DYRK3: variants seen among roughly 807,000 people sequenced by gnomAD.
The protein encoded by DYRK3 is dual specificity tyrosine-phosphorylation-regulated kinase 3.
DYRK3 carries 30 observed loss-of-function variants against 40.8 expected under a neutral mutation model. The ratio of observed to expected loss-of-function variants is 0.74; its 90% CI spans 0.55 to 1.00. The LOEUF is 1.00. DYRK3 is among the 50% of genes least tolerant of loss of function. The pLI, the probability that DYRK3 is intolerant of heterozygous loss-of-function variation, is 0.00. For missense variants in DYRK3, 699 were observed against 731.5 expected (o/e 0.96, Z 0.51); for synonymous variants, 272 against 260.7 (o/e 1.04, Z -0.42).
At position 206,635,786 on chromosome 1, in the gene DYRK3, G is replaced by A. The variant is rs916280396; in HGVS notation, c.77+6G>A. On this transcript the variant is annotated splice_donor_region_variant and intron_variant, in intron 1 of 2. Coordinates refer to ENST00000367109, the MANE Select transcript of DYRK3 (RefSeq NM_003582.4). ...CTCCCGCCCCAGCAGCGGAGGTAAC[G>A]GCGCCACGGGGTAACGGGCTGGAGG... 2.4e-6 allele frequency: 3 copies of A among 1,242,646 alleles called. No individual in the cohort carries two copies. The highest frequency in any genetic ancestry group is 3.1e-5 in the African/African-American group (2 of 64,464). The allele number at this position is 1,242,646 out of a possible 1,614,324, so 77.0% of individuals were successfully genotyped here.
chr1:206,648,907 T>A lies in DYRK3; in HGVS notation c.1709T>A (p.Met570Lys), dbSNP rs782671806. Residue 570 changes from methionine (M) to lysine (K), a missense_variant, in exon 3 of 3, where the codon ATG becomes AAG. Coordinates refer to ENST00000367109, the MANE Select transcript of DYRK3 (RefSeq NM_003582.4). ...GCCAATAAGCTTAAAGCTAACTTAATGTCAGAAACCAATGGTAGTATACCC... is the reference window on the plus strand; with the variant it reads ...GCCAATAAGCTTAAAGCTAACTTAAAGTCAGAAACCAATGGTAGTATACCC... ...GIANKLKANLMSETNGSIPLC... is the reference protein window; with the variant it reads ...GIANKLKANLKSETNGSIPLC... 3.7e-6 allele frequency: 6 copies of A among 1,614,068 alleles called. No individual in the cohort carries two copies. In the African/African-American group the frequency reaches 8.0e-5, roughly 22 times the overall value.
chr1:206,638,589 T>TA (rs1212516232), intron 2 of DYRK3, among the ~76,000 whole-genome samples: 3 of 151,268 alleles, frequency 2.0e-5, no homozygotes, highest in African/African-American at 7.3e-5. Context: ...TTTTTTTTTT[T>TA]AACTTAAGAT....
At chr1:206,636,056 A>G (rs1671097488) in intron 1 of DYRK3, 3 of 1,514,692 alleles carry the variant, frequency 2.0e-6, no homozygotes, top group Non-Finnish European at 2.7e-6. Context: ...AGATCGGGGT[A>G]TATGTTAAGG....
intron 2 of DYRK3, among the ~76,000 whole-genome samples, chr1:206,644,206 T>A (rs1558557279): frequency 6.6e-6 from 1 of 151,814 alleles, no homozygotes; most frequent in Non-Finnish European, 1.5e-5. Flanking sequence ...GGCTAATTTT[T>A]GTATTTTTAG....
chr1:206,647,122 C>G (rs1572449386), intron 2 of DYRK3, among the ~76,000 whole-genome samples: 1 of 151,844 alleles, frequency 6.6e-6, no homozygotes, highest in East Asian at 1.9e-4. Context: ...AGGAACCTGG[C>G]ATGTGGGGGG....
At chr1:206,641,587 T>G (rs1015460761) in intron 2 of DYRK3, among the ~76,000 whole-genome samples, 2 of 150,404 alleles carry the variant, frequency 1.3e-5, no homozygotes, top group Non-Finnish European at 2.9e-5. Context: ...AAGGTTTTAT[T>G]TATAACACAT....
chr1:206,640,487 T>A (rs1193823476), intron 2 of DYRK3, among the ~76,000 whole-genome samples: 7 of 151,772 alleles, frequency 4.6e-5, no homozygotes, highest in African/African-American at 1.5e-4. Flanking sequence ...GGGGAAAAGG[T>A]AGGGTTTTAT....
In DYRK3 at chr1:206,651,169, C is replaced by T. The variant is rs2102348573; in HGVS notation, c.*2204C>T. On this transcript the variant is annotated 3_prime_UTR_variant, in exon 3 of 3. Coordinates refer to ENST00000367109, the MANE Select transcript of DYRK3 (RefSeq NM_003582.4). Reference sequence around the variant, plus strand: ...TCTTCAGATGTCACACTAAATGCTGCTCATAACCCATCCTCCTCTTCTTTA... The same window carrying T: ...TCTTCAGATGTCACACTAAATGCTGTTCATAACCCATCCTCCTCTTCTTTA... 6.6e-6 allele frequency among the ~76,000 whole-genome samples: 1 copy of T among 152,308 alleles called. No individual in the cohort carries two copies. Among genetic ancestry groups the T allele is most frequent in the Admixed American group, 6.5e-5 (1 of 15,290 alleles).
At position 206,653,719 on chromosome 1, in the gene DYRK3, C is replaced by T. The variant is rs1671688341; in HGVS notation, c.*4754C>T. Among the ~76,000 whole-genome samples the T allele has an allele frequency of 1.3e-5, 2 of 152,150 alleles. No individual in the cohort carries two copies. Among genetic ancestry groups the T allele is most frequent in the African/African-American group, 4.8e-5 (2 of 41,416 alleles). On this transcript the variant is annotated 3_prime_UTR_variant, in exon 3 of 3. Coordinates refer to ENST00000367109, the MANE Select transcript of DYRK3 (RefSeq NM_003582.4). ...ATAATGAAAAAAAAATGAATACCAC[C>T]AAAACCTAACTATGATGTAAGGATT...
At chr1:206,637,206 A>G (rs1349704769) in intron 1 of DYRK3, among the ~76,000 whole-genome samples, 5 of 151,810 alleles carry the variant, frequency 3.3e-5, no homozygotes, top group Non-Finnish European at 7.3e-5. Flanking sequence ...GCACTGGGGA[A>G]GACAGGCTCA....
rs764274075 is a variant in DYRK3, at chr1:206,651,575, T to A, written c.*2610T>A. On this transcript the variant is annotated 3_prime_UTR_variant, in exon 3 of 3. Transcript: ENST00000367109. ...CTCAAATCTACTCTTTCAGTAGATA[T>A]GAGCTTACATTGACTTATGAATGGT... Among the ~76,000 whole-genome samples, 1 of 152,220 alleles carries A rather than the reference T, an allele frequency of 6.6e-6. No individual in the cohort carries two copies. The highest frequency in any genetic ancestry group is 1.5e-5 in the Non-Finnish European group (1 of 68,038).
Position 206,653,082 on chromosome 1 carries a change from C to T in DYRK3, c.*4117C>T, listed in dbSNP as rs1300349894. On this transcript the variant is annotated 3_prime_UTR_variant, in exon 3 of 3. Transcript: ENST00000367109. ...TGTCGTCCAGGCTGGAGTGAAGTGGCGCAGTGTTGTCTGCAGCCTCAACCT... is the reference window on the plus strand; with the variant it reads ...TGTCGTCCAGGCTGGAGTGAAGTGGTGCAGTGTTGTCTGCAGCCTCAACCT... 2.0e-5 allele frequency among the ~76,000 whole-genome samples: 3 copies of T among 152,010 alleles called. No homozygotes were observed. Among genetic ancestry groups the T allele is most frequent in the East Asian group, 3.9e-4 (2 of 5,186 alleles).
intron 1 of DYRK3, 51 bp downstream of exon 1, chr1:206,635,831 C>A: frequency 8.1e-7 from 1 of 1,241,308 alleles, no homozygotes; most frequent in Non-Finnish European, 1.0e-6. Flanking sequence ...GAGCGGCTGG[C>A]GCTGGCAAGC....
chr1:206,645,683 T>A (rs1671431034), intron 2 of DYRK3, among the ~76,000 whole-genome samples: 1 of 130,736 alleles, frequency 7.6e-6, no homozygotes. Flanking sequence ...CACATCTGGC[T>A]TTTTTTTTTT....
chr1:206,651,127 A>G lies in DYRK3; in HGVS notation c.*2162A>G, dbSNP rs1286119941. Among the ~76,000 whole-genome samples, 1 of 152,148 alleles carries G rather than the reference A, an allele frequency of 6.6e-6. No homozygotes were observed. The highest frequency in any genetic ancestry group is 2.4e-5 in the African/African-American group (1 of 41,440). ...GTCTGGTTATTGGTTTTCTTGTCTG[A>G]TAGTGGCATCTTGATCTCTTCAGAT... is the stretch of plus-strand genomic sequence containing the variant. On this transcript the variant is annotated 3_prime_UTR_variant, in exon 3 of 3. Coordinates refer to ENST00000367109, the MANE Select transcript of DYRK3 (RefSeq NM_003582.4).
At position 206,648,588 on chromosome 1, in the gene DYRK3, C is replaced by T. The variant is rs542675579; in HGVS notation, c.1390C>T (p.Leu464Phe). The change falls in exon 3 of 3, where the codon CTT becomes TTT. Residue 464 changes from leucine (L) to phenylalanine (F), a missense_variant. Coordinates refer to ENST00000367109, the MANE Select transcript of DYRK3 (RefSeq NM_003582.4). ...VTTQADGRVV[L>F]VGGRSRRGKK... Reference sequence around the variant, plus strand: ...TACCCAGGCAGATGGGAGGGTTGTGCTTGTGGGGGGTCGCTCACGTAGGGG... The same window carrying T: ...TACCCAGGCAGATGGGAGGGTTGTGTTTGTGGGGGGTCGCTCACGTAGGGG... The T allele has an allele frequency of 1.9e-6, 3 of 1,614,058 alleles. No individual in the cohort carries two copies. Among genetic ancestry groups the T allele is most frequent in the Admixed American group, 3.3e-5 (2 of 60,018 alleles).
chr1:206,645,438 C>T (rs1441138081), intron 2 of DYRK3, among the ~76,000 whole-genome samples: 4 of 120,132 alleles, frequency 3.3e-5, no homozygotes, highest in Non-Finnish European at 7.7e-5. Context: ...TTATCCTAGA[C>T]TTCCTTTTAT....
chr1:206,641,866 A>G lies in DYRK3; in HGVS notation c.189+4105A>G, dbSNP rs545056216. 1.2e-3 allele frequency among the ~76,000 whole-genome samples: 185 copies of G among 150,812 alleles called. 4 individuals are homozygous for G. The highest frequency in any genetic ancestry group is 1.9e-3 in the Non-Finnish European group (129 of 68,004). On this transcript the variant is annotated intron_variant, in intron 2 of 2. Transcript: ENST00000367109. ...GCAATACCATTCAGGACATAGGCATAGGCAAGGACTTCATGTCTAAAACAC... is the reference window on the plus strand; with the variant it reads ...GCAATACCATTCAGGACATAGGCATGGGCAAGGACTTCATGTCTAAAACAC...
At position 206,648,620 on chromosome 1, in the gene DYRK3, G is replaced by T; in HGVS notation, c.1422G>T (p.Lys474Asn). Residue 474 changes from lysine (K) to asparagine (N), a missense_variant, in exon 3 of 3, where the codon AAG becomes AAT. Coordinates refer to ENST00000367109, the MANE Select transcript of DYRK3 (RefSeq NM_003582.4). ...GGGGTCGCTCACGTAGGGGTAAAAA[G>T]CGGGGTCCCCCAGGCAGCAAAGACT... Reference protein sequence around the residue: ...LVGGRSRRGKKRGPPGSKDWG... With the variant: ...LVGGRSRRGKNRGPPGSKDWG... 6.2e-7 allele frequency: 1 copy of T among 1,613,812 alleles called. No individual in the cohort carries two copies. The highest frequency in any genetic ancestry group is 1.1e-5 in the South Asian group (1 of 91,078).
Sources: gnomAD v4.1 joint callset for allele counts (sites outside exome capture counted in the v4.1 genomes callset) on GRCh38, gnomAD v4.1.1 for gene constraint, MANE v1.5 for transcripts, NCBI Gene and HGNC (gene_info 2026-07-23, HGNC 2026-07-21) for gene names.